The following RELL1 variants were observed in gnomAD, a reference collection of about 807,000 sequenced individuals.
The protein encoded by RELL1 is RELT-like protein 1.
RELL1 carries 10 observed loss-of-function variants against 23.0 expected under a neutral mutation model. That is an observed-to-expected ratio of 0.43 (90% CI 0.27 to 0.74). The LOEUF (loss-of-function observed/expected upper bound fraction) is 0.74, where lower values mean the gene tolerates loss of function less well. RELL1 is among the 30% of genes least tolerant of loss of function. The pLI, the probability that RELL1 is intolerant of heterozygous loss-of-function variation, is 0.19. For synonymous variants in RELL1, 146 were observed against 146.8 expected (o/e 0.99, Z 0.04); for missense variants, 315 against 364.4 (o/e 0.86, Z 1.10).
chr4:37,617,521 G>A (rs769377133), intron 6 of RELL1, among the ~76,000 whole-genome samples: 1 of 152,212 alleles, frequency 6.6e-6, no homozygotes, highest in Admixed American at 6.5e-5. Flanking sequence ...GGTAGCTCAT[G>A]CCTATAATCC....
chr4:37,662,387 A>AC (rs1303852188), intron 1 of RELL1, among the ~76,000 whole-genome samples: 1 of 152,154 alleles, frequency 6.6e-6, no homozygotes, highest in Non-Finnish European at 1.5e-5. Context: ...AAGGGAAGTA[A>AC]CAAAGATGAT....
At chr4:37,650,220 A>G (rs925470386) in intron 1 of RELL1, among the ~76,000 whole-genome samples, 1 of 152,256 alleles carries the variant, frequency 6.6e-6, no homozygotes, top group African/African-American at 2.4e-5. Flanking sequence ...TGCAGCTTAC[A>G]TTCTAGGAGG....
In RELL1 at chr4:37,593,994, A is replaced by G. The variant is rs55816079; in HGVS notation, c.*4-2777T>C. On this transcript the variant is annotated intron_variant, in intron 6 of 6. Transcript: ENST00000314117. ...CAGACACACACTTTCGCATTTATAT[A>G]TGTATATAATTTTACATCTTAGAAC... Among the ~76,000 whole-genome samples the G allele has an allele frequency of 9.4e-3, 1,434 of 152,304 alleles. 29 individuals are homozygous for G. The highest frequency in any genetic ancestry group is 0.033 in the African/African-American group (1,386 of 41,552).
downstream of RELL1, among the ~76,000 whole-genome samples, chr4:37,589,375 T>C (rs1718479098): frequency 6.6e-6 from 1 of 152,228 alleles, no homozygotes; most frequent in Admixed American, 6.5e-5. Context: ...TGTATTCCAC[T>C]GTAATCATAC....
At chr4:37,673,186 C>CTTTTTTTTTTTTTTTT (rs71189095) in intron 1 of RELL1, among the ~76,000 whole-genome samples, 6,802 of 93,066 alleles carry the variant, frequency 0.073, 368 homozygotes, top group Non-Finnish European at 0.084. Flanking sequence ...CTTTTTTTTT[C>CTTTTTTTTTTTTTTTT]TTTTTTTTTT....
At chr4:37,594,642 T>C (rs562490249) in intron 6 of RELL1, among the ~76,000 whole-genome samples, 1 of 152,218 alleles carries the variant, frequency 6.6e-6, no homozygotes, top group Admixed American at 6.5e-5. Context: ...TGAATAGTTA[T>C]AACTGGAAAA....
At chr4:37,651,890 C>T (rs1720958836) in intron 1 of RELL1, among the ~76,000 whole-genome samples, 1 of 152,156 alleles carries the variant, frequency 6.6e-6, no homozygotes, top group South Asian at 2.1e-4. Flanking sequence ...TTCAGTGTGT[C>T]GTGTATCCTC....
chr4:37,630,882 G>C (rs1050826739), intron 6 of RELL1, among the ~76,000 whole-genome samples: 12 of 151,642 alleles, frequency 7.9e-5, no homozygotes, highest in Non-Finnish European at 1.3e-4. Context: ...ACTTTTTCAA[G>C]TCACAGTTTA....
At chr4:37,645,611 C>T (rs77551796) in intron 3 of RELL1, among the ~76,000 whole-genome samples, 2 of 152,136 alleles carry the variant, frequency 1.3e-5, no homozygotes, top group Admixed American at 6.5e-5. Flanking sequence ...GGGACAATAT[C>T]GTGTGGTTGA....
intron 4 of RELL1, among the ~76,000 whole-genome samples, chr4:37,635,655 C>A (rs1305316469): frequency 2.0e-5 from 3 of 152,078 alleles, no homozygotes; most frequent in Non-Finnish European, 4.4e-5. Flanking sequence ...TTTATCACTT[C>A]TAGAATGGAA....
chr4:37,648,188 G>C (rs958400030), intron 2 of RELL1, among the ~76,000 whole-genome samples: 1 of 152,260 alleles, frequency 6.6e-6, no homozygotes, highest in Non-Finnish European at 1.5e-5. Context: ...ATGCATGTTT[G>C]GTTAGACAGC....
chr4:37,663,183 C>G (rs1721415056), intron 1 of RELL1, among the ~76,000 whole-genome samples: 1 of 152,260 alleles, frequency 6.6e-6, no homozygotes, highest in East Asian at 1.9e-4. Context: ...TTCTCCAGCC[C>G]CTCCCTCCCT....
At chr4:37,676,619 T>C (rs187579258) in intron 1 of RELL1, among the ~76,000 whole-genome samples, 83 of 152,300 alleles carry the variant, frequency 5.4e-4, no homozygotes, top group African/African-American at 1.8e-3. Context: ...GTCATTATCA[T>C]TCATTTTTCC....
Position 37,626,283 on chromosome 4 carries a change from G to A in RELL1, c.*3+5102C>T, listed in dbSNP as rs569500586. Among the ~76,000 whole-genome samples the A allele has an allele frequency of 2.6e-5, 4 of 152,230 alleles. No individual in the cohort carries two copies. In the East Asian group the frequency reaches 7.7e-4, roughly 29 times the overall value. ...ACTTGAGATCAGGAGTTCAAGATCA[G>A]CCTGGCCAACATGATGAAACCCTGT... On this transcript the variant is annotated intron_variant, in intron 6 of 6. Coordinates refer to ENST00000454158, the MANE Select transcript of RELL1 (RefSeq NM_001085400.2).
intron 1 of RELL1, among the ~76,000 whole-genome samples, chr4:37,672,438 C>T (rs1161018433): frequency 1.3e-5 from 2 of 152,192 alleles, no homozygotes; most frequent in Admixed American, 6.5e-5. Context: ...ATTTGTATTA[C>T]ACCACATTGA....
At chr4:37,641,397 C>T (rs944803003) in intron 3 of RELL1, among the ~76,000 whole-genome samples, 3 of 152,168 alleles carry the variant, frequency 2.0e-5, no homozygotes, top group Non-Finnish European at 2.9e-5. Flanking sequence ...ATAACACCAC[C>T]GTTAGGACTG....
intron 1 of RELL1, among the ~76,000 whole-genome samples, chr4:37,676,032 G>C (rs963863996): frequency 6.6e-6 from 1 of 152,112 alleles, no homozygotes; most frequent in African/African-American, 2.4e-5. Flanking sequence ...CTTTCCACCT[G>C]ACCAACTCCT....
At chr4:37,605,781 G>GAGAA (rs1719176564), downstream of RELL1, among the ~76,000 whole-genome samples, 2 of 119,600 alleles carry the variant, frequency 1.7e-5, no homozygotes, top group African/African-American at 3.2e-5. Flanking sequence ...GAGAGAGAGA[G>GAGAA]AGAGAAAGAA....
chr4:37,627,503 T>A (rs954824272), intron 6 of RELL1, among the ~76,000 whole-genome samples: 2 of 152,146 alleles, frequency 1.3e-5, no homozygotes, highest in African/African-American at 4.8e-5. Context: ...AGAGGGCAAG[T>A]TAGATGTAGC....
Sources: allele counts gnomAD v4.1 joint callset (sites outside exome capture counted in the v4.1 genomes callset), GRCh38; gene constraint gnomAD v4.1.1; transcripts MANE v1.5; gene names NCBI Gene and HGNC (gene_info 2026-07-23, HGNC 2026-07-21).